Variants in ATP2C2 observed in about 807,000 individuals in gnomAD.
ATP2C2 encodes ATPase secretory pathway Ca2+ transporting 2.
A neutral mutation model predicts 110.8 loss-of-function variants in ATP2C2; 171 were observed. The observed-to-expected ratio is 1.54, with a 90% confidence interval of 1.36 to 1.75. The LOEUF (loss-of-function observed/expected upper bound fraction) is 1.75. Among genes scored for constraint, ATP2C2 ranks in the 40% most tolerant of loss-of-function variants. The pLI is 0.00. For synonymous variants in ATP2C2, 804 were observed against 508.4 expected, an observed-to-expected ratio of 1.58 and a Z score of -7.82; for missense variants, 1,963 against 1,235.0, an observed-to-expected ratio of 1.59 and a Z score of -8.84.
intron 1 of ATP2C2, among the ~76,000 whole-genome samples, chr16:84,396,083 C>G (rs964096533): frequency 2.0e-5 from 3 of 152,088 alleles, no homozygotes; most frequent in African/African-American, 7.2e-5. Context: ...CCTTTCGGGT[C>G]TGGCTTATTT....
chr16:84,444,212 C>T (rs532417404), intron 15 of ATP2C2, among the ~76,000 whole-genome samples: 1 of 149,374 alleles, frequency 6.7e-6, no homozygotes, highest in Admixed American at 6.7e-5. Context: ...GTGGCTCACA[C>T]CTGTAATCGC....
chr16:84,387,293 G>A lies in ATP2C2; in HGVS notation c.100-11206G>A, dbSNP rs189950324. On this transcript the variant is annotated intron_variant, in intron 1 of 26. Coordinates refer to ENST00000262429, the MANE Select transcript of ATP2C2 (RefSeq NM_014861.4). ...TCCCAGCGCGTTGGGAGGCCCAGGCGAGTGGATCACCTAAACTCAGGAATT... is the reference window on the plus strand; with the variant it reads ...TCCCAGCGCGTTGGGAGGCCCAGGCAAGTGGATCACCTAAACTCAGGAATT... Among the ~76,000 whole-genome samples, 6 of 152,074 alleles carry A rather than the reference G, an allele frequency of 3.9e-5. No homozygotes were observed. The South Asian group carries it at 6.2e-4, about 16-fold the overall frequency.
At chr16:84,399,020 C>T (rs1316758211) in intron 2 of ATP2C2, among the ~76,000 whole-genome samples, 1 of 152,248 alleles carries the variant, frequency 6.6e-6, no homozygotes, top group Non-Finnish European at 1.5e-5. Flanking sequence ...GTATTCCCAC[C>T]GTCGTCTTTT....
chr16:84,435,789 T>G (rs1908682635), intron 11 of ATP2C2, among the ~76,000 whole-genome samples: 2 of 151,756 alleles, frequency 1.3e-5, no homozygotes, highest in Non-Finnish European at 2.9e-5. Context: ...ATGGTGACAC[T>G]GCACTCCAGC....
chr16:84,450,559 C>G (rs923378000), intron 17 of ATP2C2, among the ~76,000 whole-genome samples: 2 of 152,054 alleles, frequency 1.3e-5, no homozygotes, highest in African/African-American at 2.4e-5. Flanking sequence ...TTGGCAAAGC[C>G]CAGGTTCAGG....
chr16:84,381,827 T>G (rs1365021653), intron 1 of ATP2C2, among the ~76,000 whole-genome samples: 1 of 152,172 alleles, frequency 6.6e-6, no homozygotes, highest in Non-Finnish European at 1.5e-5. Context: ...TACCACATTG[T>G]TTTGAATCCT....
intron 21 of ATP2C2, 86 bp downstream of exon 21, chr16:84,455,070 A>AG (rs3085209): frequency 0.11 from 130,816 of 1,166,970 alleles, 5,136 homozygotes; most frequent in East Asian, 0.24. Context: ...GTGGAGATAG[A>AG]GGGGGGGGTC....
Position 84,394,121 on chromosome 16 carries a change from T to C in ATP2C2, c.100-4378T>C, listed in dbSNP as rs184147064. On this transcript the variant is annotated intron_variant, in intron 1 of 26. Coordinates refer to ENST00000262429, the MANE Select transcript of ATP2C2 (RefSeq NM_014861.4). ...ATTGCTTGAGCCTGGGAGGCGGAGG[T>C]TGCAGTGCACCAAGATCACACCACT... is the stretch of plus-strand genomic sequence containing the variant. 5.8e-3 allele frequency among the ~76,000 whole-genome samples: 874 copies of C among 151,398 alleles called. 4 individuals are homozygous for C. The highest frequency in any genetic ancestry group is 0.011 in the Admixed American group (171 of 15,232).
intron 2 of ATP2C2, among the ~76,000 whole-genome samples, chr16:84,400,094 ATC>A (rs762189994): frequency 2.0e-4 from 31 of 152,248 alleles, no homozygotes; most frequent in Non-Finnish European, 3.1e-4. Context: ...AAATGACAGG[ATC>A]TCATTCTTTT....
At position 84,418,371 on chromosome 16, in the gene ATP2C2, A is replaced by G. The variant is rs1907023934; in HGVS notation, c.624+2780A>G. Among the ~76,000 whole-genome samples, 3 of 152,224 alleles carry G rather than the reference A, an allele frequency of 2.0e-5. No homozygotes were observed. The South Asian group carries it at 6.2e-4, about 32-fold the overall frequency. On this transcript the variant is annotated intron_variant, in intron 7 of 26. Transcript: ENST00000262429. ...TGCCCTGGGAGCCTGGGAGGTCACC[A>G]GAAGCCCCTCCTGCCCACCTGCTGA...
rs1907753609 is a variant in ATP2C2, at chr16:84,425,746, C to G, written c.931C>G (p.Leu311Val). 1 of 1,614,152 alleles carries G rather than the reference C, an allele frequency of 6.2e-7. No homozygotes were observed. Among genetic ancestry groups the G allele is most frequent in the Non-Finnish European group, 8.5e-7 (1 of 1,180,028 alleles). Reference protein sequence around the residue: ...FSFGIIGLIMLIGWSQGKQLL... With the variant: ...FSFGIIGLIMVIGWSQGKQLL... ...TGTCTCTTCCCCAGGTCTCATCATG[C>G]TCATTGGCTGGTCGCAAGGGAAACA... The change falls in exon 11 of 27, where the codon CTC becomes GTC. Residue 311 changes from leucine to valine, a missense_variant. Physicochemically the swap from Leu to Val is conservative, Grantham distance 32. Coordinates refer to ENST00000262429, the MANE Select transcript of ATP2C2 (RefSeq NM_014861.4).
Position 84,462,042 on chromosome 16 carries a change from G to C in ATP2C2, c.2635G>C (p.Val879Leu), listed in dbSNP as rs185373537. 6.2e-7 allele frequency: 1 copy of C among 1,614,058 alleles called. No homozygotes were observed. ...CAGGAACCACATGTTCCTCTACTCC[G>C]TCCTGGGGTCCATCCTGGGGCAGCT... ...FLRNHMFLYS[V>L]LGSILGQLAV... Residue 879 changes from valine to leucine, a missense_variant, in exon 26 of 27, where the codon GTC (valine) becomes CTC (leucine). Physicochemically the swap from Val to Leu is conservative, Grantham distance 32. Transcript: ENST00000262429.
chr16:84,392,390 C>G (rs1373737227), intron 1 of ATP2C2, among the ~76,000 whole-genome samples: 3 of 152,146 alleles, frequency 2.0e-5, no homozygotes, highest in Non-Finnish European at 1.5e-5. Flanking sequence ...TTATTCAAAT[C>G]AGGACTCAAG....
Position 84,439,163 on chromosome 16 carries a change from C to T in ATP2C2, c.987-3C>T. 1 of 1,612,170 alleles carries T rather than the reference C, an allele frequency of 6.2e-7. No individual in the cohort carries two copies. Among genetic ancestry groups the T allele is most frequent in the South Asian group, 1.1e-5 (1 of 90,970 alleles). On this transcript the variant is annotated splice_region_variant and splice_polypyrimidine_tract_variant and intron_variant, in intron 11 of 26. Coordinates refer to ENST00000262429, the MANE Select transcript of ATP2C2 (RefSeq NM_014861.4). Reference sequence around the variant, plus strand: ...AGGGGACTCATTTGACCTTTCGATCCAGCCTGGCTGTGGCGGCCATTCCAG... The same window carrying T: ...AGGGGACTCATTTGACCTTTCGATCTAGCCTGGCTGTGGCGGCCATTCCAG...
chr16:84,389,252 C>G (rs1904505486), intron 1 of ATP2C2, among the ~76,000 whole-genome samples: 3 of 152,176 alleles, frequency 2.0e-5, no homozygotes, highest in African/African-American at 7.2e-5. Flanking sequence ...GCCCAGAAGG[C>G]CCCTCATTCC....
At chr16:84,458,585 C>T (rs549242152) in intron 21 of ATP2C2, among the ~76,000 whole-genome samples, 1 of 151,964 alleles carries the variant, frequency 6.6e-6, no homozygotes, top group Non-Finnish European at 1.5e-5. Context: ...GCGGTGGGGG[C>T]ACCCACGGTG....
intron 11 of ATP2C2, among the ~76,000 whole-genome samples, chr16:84,429,523 C>T (rs11641459): frequency 0.36 from 55,440 of 151,990 alleles, 10,279 homozygotes; most frequent in South Asian, 0.4. Flanking sequence ...GTGATCTGTT[C>T]GTATCACTTT....
Position 84,420,966 on chromosome 16 carries a change from C to T in ATP2C2, c.625-1424C>T, listed in dbSNP as rs139006197. On this transcript the variant is annotated intron_variant, in intron 7 of 26. Transcript: ENST00000262429. ...GATTACAGGCGCCTGCCCCCATACC[C>T]GGCTAATTCTTGTATTTTTAGTAGA... Among the ~76,000 whole-genome samples the T allele has an allele frequency of 6.3e-3, 960 of 152,170 alleles. 6 individuals are homozygous for T. Among genetic ancestry groups the T allele is most frequent in the Middle Eastern group, 0.044 (13 of 294 alleles).
intron 1 of ATP2C2, among the ~76,000 whole-genome samples, chr16:84,383,528 A>G (rs1361970662): frequency 1.3e-5 from 2 of 152,214 alleles, no homozygotes; most frequent in Non-Finnish European, 2.9e-5. Context: ...TTATTCTGGA[A>G]TCATTTCTTC....
Sources: allele counts gnomAD v4.1 joint callset (sites outside exome capture counted in the v4.1 genomes callset), GRCh38; gene constraint gnomAD v4.1.1; transcripts MANE v1.5; gene names NCBI Gene and HGNC (gene_info 2026-07-23, HGNC 2026-07-21).